SLC6A2: variants seen among roughly 807,000 people sequenced by gnomAD.
The protein encoded by SLC6A2 is sodium-dependent noradrenaline transporter.
Under a neutral mutation model 71.7 loss-of-function variants are expected in SLC6A2, and 26 were observed. The ratio of observed to expected loss-of-function variants is 0.36; its 90% CI spans 0.27 to 0.50. SLC6A2 has a LOEUF of 0.50. Ranked by LOEUF, SLC6A2 falls within the 20% of genes least tolerant of loss-of-function variation. SLC6A2 has a pLI of 0.96. For missense variants in SLC6A2, 581 were observed against 803.9 expected (o/e 0.72, Z 3.35); for synonymous variants, 363 against 337.9 (o/e 1.07, Z -0.82).
chr16:55,682,925 T>C (rs1352738671), intron 4 of SLC6A2, among the ~76,000 whole-genome samples: 2 of 152,174 alleles, frequency 1.3e-5, no homozygotes, highest in Admixed American at 1.3e-4. Flanking sequence ...CCTCCCATGC[T>C]ACGATACAAG....
rs539276295 is a variant in SLC6A2, at chr16:55,685,455, C to A, written c.783+174C>A. 2.0e-5 allele frequency among the ~76,000 whole-genome samples: 3 copies of A among 152,296 alleles called. No individual in the cohort carries two copies. In the East Asian group the frequency reaches 5.8e-4, roughly 29 times the overall value. ...TTGGACAAATCCCTTCCCTTCCTTT[C>A]CTTTCCCTTCCCCAAATCTGTGTCT... On this transcript the variant is annotated intron_variant, in intron 5 of 14. Transcript: ENST00000568943.
rs1966037414 is a variant in SLC6A2 at position 55,703,597 on chromosome 16, G to T, written c.*1251G>T. 3 of 985,242 alleles carry T rather than the reference G, an allele frequency of 3.0e-6. No homozygotes were observed. The Admixed American group carries it at 1.8e-4, about 61-fold the overall frequency. 61.0% of individuals were successfully genotyped at this position (985,242 alleles called of 1,614,324 possible). Reference sequence around the variant, plus strand: ...TACAAACTTGCACTTGGTGCCCTCTGGTGGTGTTTAGTTTTAGTTCCGTAA... The same window carrying T: ...TACAAACTTGCACTTGGTGCCCTCTTGTGGTGTTTAGTTTTAGTTCCGTAA... On this transcript the variant is annotated 3_prime_UTR_variant, in exon 15 of 15. Coordinates refer to ENST00000568943, the MANE Select transcript of SLC6A2 (RefSeq NM_001172501.3).
At chr16:55,673,585 A>T (rs953560606) in intron 4 of SLC6A2, among the ~76,000 whole-genome samples, 1 of 152,062 alleles carries the variant, frequency 6.6e-6, no homozygotes, top group African/African-American at 2.4e-5. Flanking sequence ...TTTTTGAGAC[A>T]GAGTCTCGGT....
chr16:55,683,674 C>T (rs1384416936), intron 4 of SLC6A2, among the ~76,000 whole-genome samples: 1 of 152,018 alleles, frequency 6.6e-6, no homozygotes, highest in East Asian at 1.9e-4. Flanking sequence ...AACCCAAACA[C>T]TTTATTGATA....
intron 2 of SLC6A2, among the ~76,000 whole-genome samples, chr16:55,663,935 A>G (rs559388611): frequency 4.5e-4 from 68 of 152,302 alleles, no homozygotes; most frequent in African/African-American, 1.6e-3. Context: ...GGGGGAAGGA[A>G]TGCTGCACAG....
intron 4 of SLC6A2, among the ~76,000 whole-genome samples, chr16:55,678,642 C>T (rs1256976620): frequency 6.6e-6 from 1 of 152,104 alleles, no homozygotes; most frequent in East Asian, 1.9e-4. Context: ...ATGTGCCTGG[C>T]AATAGAAAAC....
intron 4 of SLC6A2, among the ~76,000 whole-genome samples, chr16:55,679,413 G>A (rs1312824963): frequency 2.6e-5 from 4 of 151,946 alleles, no homozygotes; most frequent in Admixed American, 2.0e-4. Flanking sequence ...TTTTAGCAGA[G>A]AGGCGGTTTC....
intron 13 of SLC6A2, among the ~76,000 whole-genome samples, chr16:55,701,572 C>T (rs535798382): frequency 9.9e-5 from 15 of 152,184 alleles, no homozygotes; most frequent in Admixed American, 7.8e-4. Context: ...CTTACATGGG[C>T]GGTAAGCTCC....
intron 14 of SLC6A2, 22 bp downstream of exon 14, chr16:55,701,956 G>A (rs1210996345): frequency 6.3e-7 from 1 of 1,588,470 alleles, no homozygotes; most frequent in Non-Finnish European, 8.6e-7. Flanking sequence ...CTAGACCCCT[G>A]GGGTGGAGAT....
rs149149042 is a variant in SLC6A2 at position 55,658,582 on chromosome 16, A to G, written c.274+1614A>G. 2.6e-5 allele frequency among the ~76,000 whole-genome samples: 4 copies of G among 152,254 alleles called. No individual in the cohort carries two copies. The East Asian group carries it at 7.7e-4, about 29-fold the overall frequency. On this transcript the variant is annotated intron_variant, in intron 2 of 14. Transcript: ENST00000568943. ...GGCTCTGAGCAGAGGATCTTGAGTA[A>G]GAAAGCAGTTAGCTCTTCCAACGAG...
chr16:55,680,666 A>G (rs1312310993), intron 4 of SLC6A2, among the ~76,000 whole-genome samples: 1 of 152,104 alleles, frequency 6.6e-6, no homozygotes, highest in Non-Finnish European at 1.5e-5. Flanking sequence ...TCCCAGACAC[A>G]CCCAGGAACA....
At chr16:55,682,017 A>G (rs1281260485) in intron 4 of SLC6A2, among the ~76,000 whole-genome samples, 2 of 152,132 alleles carry the variant, frequency 1.3e-5, no homozygotes, top group African/African-American at 2.4e-5. Flanking sequence ...AGCAATTCTC[A>G]TGCTTCAGTC....
Position 55,702,711 on chromosome 16 carries a change from CAG to C in SLC6A2, c.*372_*373del, listed in dbSNP as rs1354664393. 1 of 1,070,166 alleles carries C rather than the reference CAG, an allele frequency of 9.3e-7. No homozygotes were observed. The highest frequency in any genetic ancestry group is 1.9e-5 in the African/African-American group (1 of 53,644). 66.3% of individuals were successfully genotyped at this position (1,070,166 alleles called of 1,614,324 possible). ...CACAGGAGTTCTTAGTCCACCAAATCAGAGAGAGGATGGGCTTTTGATCAGAT... is the reference window on the plus strand; with the variant it reads ...CACAGGAGTTCTTAGTCCACCAAATCAGAGAGGATGGGCTTTTGATCAGAT... On this transcript the variant is annotated 3_prime_UTR_variant, in exon 15 of 15. Transcript: ENST00000568943.
At chr16:55,673,336 G>A (rs1964981714) in intron 4 of SLC6A2, among the ~76,000 whole-genome samples, 1 of 152,166 alleles carries the variant, frequency 6.6e-6, no homozygotes. Context: ...TGCACACTTG[G>A]TTAAGGTGGA....
At position 55,705,599 on chromosome 16, in the gene SLC6A2, C is replaced by A; in HGVS notation, c.*3253C>A. 1 of 254,480 alleles carries A rather than the reference C, an allele frequency of 3.9e-6. No homozygotes were observed. The highest frequency in any genetic ancestry group is 1.2e-3 in the Middle Eastern group (1 of 866). 15.8% of individuals were successfully genotyped at this position (254,480 alleles called of 1,614,324 possible). ...CTTTTGGGGCTTCAAGATTCTTTGT[C>A]TTTAAAATCAGGGGTTATATCAGAT... is the stretch of plus-strand genomic sequence containing the variant. On this transcript the variant is annotated 3_prime_UTR_variant, in exon 15 of 15. Coordinates refer to ENST00000568943, the MANE Select transcript of SLC6A2 (RefSeq NM_001172501.3).
intron 2 of SLC6A2, among the ~76,000 whole-genome samples, chr16:55,660,949 AG>A (rs1307724649): frequency 6.6e-6 from 1 of 152,212 alleles, no homozygotes; most frequent in Non-Finnish European, 1.5e-5. Context: ...TTACTGGAAA[AG>A]ATCAGCCTGT....
chr16:55,688,288 G>C (rs1001394219), intron 5 of SLC6A2, among the ~76,000 whole-genome samples: 10 of 152,186 alleles, frequency 6.6e-5, no homozygotes, highest in African/African-American at 1.9e-4. Flanking sequence ...TCCGGTCTTG[G>C]CAAGTGAAGG....
chr16:55,668,932 T>C (rs561740274), intron 2 of SLC6A2, among the ~76,000 whole-genome samples: 13 of 152,244 alleles, frequency 8.5e-5, no homozygotes, highest in African/African-American at 3.1e-4. Flanking sequence ...GCCATTAGAC[T>C]CCCTTCTCTG....
At position 55,703,520 on chromosome 16, in the gene SLC6A2, C is replaced by G. The variant is rs986592282; in HGVS notation, c.*1174C>G. ...GGGAGAATTTTGAGAGTGGATGGAA[C>G]AGTTTGGTGGTTTCAGAGAATTTCT... On this transcript the variant is annotated 3_prime_UTR_variant, in exon 15 of 15. Transcript: ENST00000568943. 1 of 985,300 alleles carries G rather than the reference C, an allele frequency of 1.0e-6. No homozygotes were observed. Among genetic ancestry groups the G allele is most frequent in the Non-Finnish European group, 1.2e-6 (1 of 829,954 alleles). The allele number at this position is 985,300 out of a possible 1,614,324, so 61.0% of individuals were successfully genotyped here.
Sources: allele counts gnomAD v4.1 joint callset (sites outside exome capture counted in the v4.1 genomes callset), GRCh38; gene constraint gnomAD v4.1.1; transcripts MANE v1.5; gene names NCBI Gene and HGNC (gene_info 2026-07-23, HGNC 2026-07-21).